The following METTL8 variants were observed in gnomAD, a reference collection of about 807,000 sequenced individuals.
The protein encoded by METTL8 is methyltransferase 8, tRNA N3-cytidine.
A neutral mutation model predicts 48.7 loss-of-function variants in METTL8; 32 were observed. The ratio of observed to expected loss-of-function variants is 0.66; its 90% CI spans 0.50 to 0.88. The LOEUF (loss-of-function observed/expected upper bound fraction) is 0.88. METTL8 is among the 40% of genes least tolerant of loss of function. The probability of loss-of-function intolerance (pLI) is 0.00; values close to 1 mark genes in which losing one functional copy is unlikely to be tolerated. For missense variants in METTL8, 464 were observed against 474.4 expected (o/e 0.98, Z 0.20); for synonymous variants, 136 against 157.1 (o/e 0.87, Z 1.01).
At chr2:171,402,826 T>C (rs560573674) in intron 1 of METTL8, among the ~76,000 whole-genome samples, 1 of 152,082 alleles carries the variant, frequency 6.6e-6, no homozygotes, top group South Asian at 2.1e-4. Context: ...AGTAAGGAAG[T>C]GCACACACAT....
chr2:171,333,010 T>TCTAAATAAATATGGAATTTATTTAG (rs772704445), intron 5 of METTL8, among the ~76,000 whole-genome samples: 6,526 of 141,836 alleles, frequency 0.046, 198 homozygotes, highest in South Asian at 0.13. Flanking sequence ...AAGGTGAACC[T>TCTAAATAAATATGGAATTTATTTAG]CTAAATAAAT....
chr2:171,400,393 T>G (rs1215004106), intron 1 of METTL8, among the ~76,000 whole-genome samples: 1 of 152,188 alleles, frequency 6.6e-6, no homozygotes, highest in Non-Finnish European at 1.5e-5. Flanking sequence ...GATTCCCCAG[T>G]CTTTAATGGG....
intron 2 of METTL8, among the ~76,000 whole-genome samples, chr2:171,361,792 G>A (rs1274633619): frequency 1.3e-5 from 2 of 152,178 alleles, no homozygotes; most frequent in African/African-American, 4.8e-5. Context: ...GGGGGACACA[G>A]AGAGATTTAA....
intron 1 of METTL8, among the ~76,000 whole-genome samples, chr2:171,433,424 G>A (rs1338737560): frequency 6.6e-6 from 1 of 152,170 alleles, no homozygotes; most frequent in Non-Finnish European, 1.5e-5. Context: ...ATGAACAAGA[G>A]GTAGCATGCC....
rs1689389581 is a variant in METTL8 at position 171,399,030 on chromosome 2, A to C, written c.-12-6833T>G. 2.6e-5 allele frequency among the ~76,000 whole-genome samples: 4 copies of C among 152,140 alleles called. No homozygotes were observed. In the South Asian group the frequency reaches 8.3e-4, roughly 32 times the overall value. The stretch of plus-strand genomic sequence containing the variant: ...GGTCCTGACCCTTCACTTAACTCAA[A>C]TTAATGTCACATCAAAGGTATATAT... On this transcript the variant is annotated intron_variant, in intron 1 of 9. Coordinates refer to ENST00000375258, the MANE Select transcript of METTL8 (RefSeq NM_001321154.2).
upstream of METTL8, chr2:171,434,100 C>T: frequency 3.0e-6 from 1 of 335,798 alleles, no homozygotes; most frequent in Non-Finnish European, 5.9e-6. Flanking sequence ...CCACTCGCAG[C>T]ACAGAGAAGC....
intron 1 of METTL8, among the ~76,000 whole-genome samples, chr2:171,392,826 G>A (rs1688696668): frequency 6.6e-6 from 1 of 151,998 alleles, no homozygotes; most frequent in Non-Finnish European, 1.5e-5. Context: ...GCCAGGCATG[G>A]TGGCTCATGC....
intron 2 of METTL8, among the ~76,000 whole-genome samples, chr2:171,371,328 A>T (rs1686309746): frequency 6.6e-6 from 1 of 151,682 alleles, no homozygotes; most frequent in African/African-American, 2.4e-5. Context: ...GTTATTAGTA[A>T]ATTAGTTTTT....
At chr2:171,380,730 TG>T (rs1687436872) in intron 2 of METTL8, among the ~76,000 whole-genome samples, 2 of 152,174 alleles carry the variant, frequency 1.3e-5, no homozygotes, top group Non-Finnish European at 2.9e-5. Context: ...TACAAACCAC[TG>T]TTCAAAGAAA....
At chr2:171,421,065 A>C (rs1335055963) in intron 1 of METTL8, among the ~76,000 whole-genome samples, 1 of 152,208 alleles carries the variant, frequency 6.6e-6, no homozygotes, top group African/African-American at 2.4e-5. Flanking sequence ...AGGAAAGAGA[A>C]ATAAAAAGTA....
chr2:171,363,671 T>A, intron 2 of METTL8, among the ~76,000 whole-genome samples: 1 of 150,410 alleles, frequency 6.6e-6, no homozygotes, highest in South Asian at 2.1e-4. Flanking sequence ...GATAGGGGAA[T>A]GAAAAAATTA....
chr2:171,359,068 C>T (rs566890428), intron 3 of METTL8, among the ~76,000 whole-genome samples: 125 of 151,726 alleles, frequency 8.2e-4, no homozygotes, highest in African/African-American at 2.8e-3. Context: ...GAGTTTCAGA[C>T]CACCCTGGGC....
intron 1 of METTL8, among the ~76,000 whole-genome samples, chr2:171,394,305 C>T (rs1688853604): frequency 6.6e-6 from 1 of 152,034 alleles, no homozygotes; most frequent in African/African-American, 2.4e-5. Flanking sequence ...GTAAATGTTT[C>T]CTACCCAGGA....
chr2:171,337,884 CTACT>C (rs1359013908), intron 4 of METTL8, among the ~76,000 whole-genome samples: 1 of 150,942 alleles, frequency 6.6e-6, no homozygotes, highest in African/African-American at 2.4e-5. Context: ...AGTATGTGAC[CTACT>C]TAGTCATCAA....
chr2:171,423,170 G>GT (rs1692048271), intron 1 of METTL8, among the ~76,000 whole-genome samples: 1 of 152,196 alleles, frequency 6.6e-6, no homozygotes, highest in Admixed American at 6.5e-5. Context: ...TGCCATGATT[G>GT]TAAGTCTCCT....
At position 171,317,852 on chromosome 2, in the gene METTL8, G is replaced by A. The variant is rs1304381352; in HGVS notation, c.*6320C>T. The stretch of plus-strand genomic sequence containing the variant: ...TGCCAACCTGACTTGCCAGAATTAG[G>A]GTCACTGTGCTCTGAGACACTTTGA... On this transcript the variant is annotated 3_prime_UTR_variant, in exon 10 of 10. Coordinates refer to ENST00000375258, the MANE Select transcript of METTL8 (RefSeq NM_001321154.2). 1 of 152,128 alleles carries A rather than the reference G, an allele frequency of 6.6e-6. No homozygotes were observed. The highest frequency in any genetic ancestry group is 1.5e-5 in the Non-Finnish European group (1 of 68,024). 9.4% of individuals were successfully genotyped at this position (152,128 alleles called of 1,614,324 possible).
In METTL8 at chr2:171,330,477, T is replaced by C. The variant is rs79780473; in HGVS notation, c.860+82A>G. 1.8e-4 allele frequency: 247 copies of C among 1,336,192 alleles called. 1 individual carries two copies. In the East Asian group the frequency reaches 5.4e-3, roughly 29 times the overall value. 82.8% of individuals were successfully genotyped at this position (1,336,192 alleles called of 1,614,324 possible). ...CACTAAATAATAAATTCAAAAATTG[T>C]CATTTTTGCTTTGATAGTTCTGAAA... On this transcript the variant is annotated intron_variant, in intron 7 of 9. Coordinates refer to ENST00000375258, the MANE Select transcript of METTL8 (RefSeq NM_001321154.2).
At chr2:171,400,816 A>G (rs1282807232) in intron 1 of METTL8, among the ~76,000 whole-genome samples, 1 of 152,172 alleles carries the variant, frequency 6.6e-6, no homozygotes, top group Non-Finnish European at 1.5e-5. Context: ...AGGAACACCA[A>G]AGAAATAGAG....
chr2:171,328,988 C>T (rs571788799), intron 7 of METTL8, among the ~76,000 whole-genome samples: 1 of 143,562 alleles, frequency 7.0e-6, no homozygotes, highest in East Asian at 2.2e-4. Flanking sequence ...AGCGCCCAGC[C>T]TTTTATTTTT....
Sources: allele counts gnomAD v4.1 joint callset (sites outside exome capture counted in the v4.1 genomes callset), GRCh38; gene constraint gnomAD v4.1.1; transcripts MANE v1.5; gene names NCBI Gene and HGNC (gene_info 2026-07-23, HGNC 2026-07-21).